AFDN: variants seen among roughly 807,000 people sequenced by gnomAD.
The protein encoded by AFDN is afadin, adherens junction formation factor, also known as afadin.
Under a neutral mutation model 216.6 loss-of-function variants are expected in AFDN, and 68 were observed. The ratio of observed to expected loss-of-function variants is 0.31; its 90% CI spans 0.26 to 0.38. The LOEUF (loss-of-function observed/expected upper bound fraction) is 0.38, where lower values mean the gene tolerates loss of function less well. Ranked by LOEUF, AFDN falls within the 10% of genes least tolerant of loss-of-function variation. AFDN has a pLI of 1.00. For synonymous variants in AFDN, 868 were observed against 853.7 expected (o/e 1.02, Z -0.29); for missense variants, 2,136 against 2,342.0 (o/e 0.91, Z 1.82).
rs1792345752 is a variant in AFDN at position 167,925,147 on chromosome 6, G to A, written c.3099+56G>A. The A allele has an allele frequency of 1.0e-5, 13 of 1,281,218 alleles. No individual in the cohort carries two copies. The South Asian group carries it at 1.6e-4, about 15-fold the overall frequency. The allele number at this position is 1,281,218 out of a possible 1,614,324, so 79.4% of individuals were successfully genotyped here. On this transcript the variant is annotated intron_variant, in intron 23 of 33. Transcript: ENST00000683244. Reference sequence around the variant, plus strand: ...TCTCCAGTCTTTCGGCATTGAATCAGTGGTTGTCAGAGTGGATCGTGTGGG... The same window carrying A: ...TCTCCAGTCTTTCGGCATTGAATCAATGGTTGTCAGAGTGGATCGTGTGGG...
intron 31 of AFDN, chr6:167,963,032 T>C (rs1797193927): frequency 9.3e-7 from 1 of 1,076,886 alleles, no homozygotes; most frequent in East Asian, 4.7e-5. Context: ...TTCTGGTTGA[T>C]GGTAAAGAGA....
chr6:167,901,990 G>A (rs1298782759), intron 11 of AFDN, among the ~76,000 whole-genome samples: 1 of 151,486 alleles, frequency 6.6e-6, no homozygotes, highest in Non-Finnish European at 1.5e-5. Context: ...TTATTTGGGA[G>A]GCTGAGGCAG....
chr6:167,956,406 T>C (rs1255288214), intron 30 of AFDN, among the ~76,000 whole-genome samples: 1 of 152,144 alleles, frequency 6.6e-6, no homozygotes, highest in Non-Finnish European at 1.5e-5. Context: ...GTTTCTGCTC[T>C]TCCCTCTGGT....
chr6:167,935,393 A>G (rs897571390), intron 23 of AFDN, among the ~76,000 whole-genome samples: 1 of 152,202 alleles, frequency 6.6e-6, no homozygotes, highest in African/African-American at 2.4e-5. Flanking sequence ...TGGACATAGC[A>G]GTGTGGGCGC....
chr6:167,914,789 G>A (rs751643251), intron 18 of AFDN, 51 bp downstream of exon 18: 2 of 1,327,478 alleles, frequency 1.5e-6, no homozygotes, highest in South Asian at 1.2e-5. Flanking sequence ...TTCACGTTTA[G>A]CATCATTTTA....
chr6:167,875,090 C>T (rs1028476726), intron 4 of AFDN, among the ~76,000 whole-genome samples: 3 of 152,062 alleles, frequency 2.0e-5, no homozygotes, highest in South Asian at 2.1e-4. Context: ...CATGAATAAA[C>T]TCACTATTAA....
At chr6:167,920,979 C>T (rs1008457) in intron 21 of AFDN, among the ~76,000 whole-genome samples, 68,759 of 151,978 alleles carry the variant, frequency 0.45, 16,313 homozygotes, top group East Asian at 0.8. Flanking sequence ...AAACGCGTGC[C>T]GCTGTCTGTC....
intron 1 of AFDN, among the ~76,000 whole-genome samples, chr6:167,850,120 A>G (rs1782136925): frequency 6.6e-6 from 1 of 152,234 alleles, no homozygotes; most frequent in African/African-American, 2.4e-5. Flanking sequence ...CAGGGAGAGA[A>G]TGTCAAATAC....
At chr6:167,868,021 T>TA (rs1049946170) in intron 2 of AFDN, among the ~76,000 whole-genome samples, 2 of 152,224 alleles carry the variant, frequency 1.3e-5, no homozygotes, top group Non-Finnish European at 2.9e-5. Flanking sequence ...ACCATGCTGT[T>TA]ACTGCCTCTC....
intron 6 of AFDN, among the ~76,000 whole-genome samples, chr6:167,885,802 G>A (rs1786724683): frequency 2.6e-5 from 4 of 152,214 alleles, no homozygotes; most frequent in South Asian, 2.1e-4. Flanking sequence ...AGCAATATCC[G>A]TGAGGCACAA....
intron 23 of AFDN, among the ~76,000 whole-genome samples, chr6:167,930,095 C>T (rs570126856): frequency 5.3e-5 from 8 of 152,212 alleles, no homozygotes; most frequent in African/African-American, 1.9e-4. Context: ...GTCCCAGTTA[C>T]ACTGGCGGCT....
intron 1 of AFDN, among the ~76,000 whole-genome samples, chr6:167,840,539 C>T (rs1451468758): frequency 1.3e-5 from 2 of 152,214 alleles, no homozygotes; most frequent in African/African-American, 4.8e-5. Context: ...ATGAAGATGA[C>T]TAGATCAGAG....
rs374739721 is a variant in AFDN at position 167,860,798 on chromosome 6, G to A, written c.106-3753G>A. Reference sequence around the variant, plus strand: ...TGAGCTGCCTCGGAGTCCCTCGTGAGCAGGAAGAATACTTGTATTTGAATG... The same window carrying A: ...TGAGCTGCCTCGGAGTCCCTCGTGAACAGGAAGAATACTTGTATTTGAATG... On this transcript the variant is annotated intron_variant, in intron 1 of 33. Coordinates refer to ENST00000683244, the MANE Select transcript of AFDN (RefSeq NM_001386888.1). Among the ~76,000 whole-genome samples, 19 of 152,316 alleles carry A rather than the reference G, an allele frequency of 1.2e-4. No individual in the cohort carries two copies. The South Asian group carries it at 3.9e-3, about 32-fold the overall frequency.
rs1165415344 is a variant in AFDN at position 167,951,454 on chromosome 6, T to C, written c.4100T>C (p.Ile1367Thr). 6.2e-7 allele frequency: 1 copy of C among 1,613,970 alleles called. No homozygotes were observed. The highest frequency in any genetic ancestry group is 8.5e-7 in the Non-Finnish European group (1 of 1,179,998). ...ACCCCTGTGGCCGTCTCCCAGCCAA[T>C]CCGAACAGACCTGCCTCCGCCACCC... The part of the protein sequence containing the change: ...PATPVAVSQP[I>T]RTDLPPPPPP... The change falls in exon 30 of 34, where the codon ATC becomes ACC. Residue 1367 changes from isoleucine (I) to threonine (T), a missense_variant. Transcript: ENST00000683244. This position sits in a 1 kb window ranked among gnomAD's most constrained non-coding sequence, Gnocchi z 7.1.
rs774545421 is a variant in AFDN, at chr6:167,951,782, A to G, written c.4428A>G (p.Thr1476=). ...AGATGAAGCCCGAAAAGCCTTCCACACTCCAGCGGCCACAGGAAACAGTCA... is the reference window on the plus strand; with the variant it reads ...AGATGAAGCCCGAAAAGCCTTCCACGCTCCAGCGGCCACAGGAAACAGTCA... ...AQQMKPEKPS[T]LQRPQETVIR... Residue 1476 remains threonine (T), a synonymous_variant, in exon 30 of 34, where the codon ACA becomes ACG. Coordinates refer to ENST00000683244, the MANE Select transcript of AFDN (RefSeq NM_001386888.1). This position sits in a 1 kb window ranked among gnomAD's most constrained non-coding sequence, Gnocchi z 7.1. 4 of 1,613,764 alleles carry G rather than the reference A, an allele frequency of 2.5e-6. No homozygotes were observed. The highest frequency in any genetic ancestry group is 1.7e-5 in the Admixed American group (1 of 59,964).
intron 1 of AFDN, among the ~76,000 whole-genome samples, chr6:167,835,931 C>T (rs1780378030): frequency 6.6e-6 from 1 of 152,062 alleles, no homozygotes; most frequent in South Asian, 2.1e-4. Flanking sequence ...TGTGGTTTTC[C>T]AAGTAAGGCT....
At position 167,962,478 on chromosome 6, in the gene AFDN, C is replaced by G; in HGVS notation, c.4879C>G (p.Arg1627Gly). 6.2e-7 allele frequency: 1 copy of G among 1,613,604 alleles called. No individual in the cohort carries two copies. Among genetic ancestry groups the G allele is most frequent in the Non-Finnish European group, 8.5e-7 (1 of 1,179,696 alleles). The change falls in exon 31 of 34, where the codon CGC becomes GGC. Residue 1627 changes from arginine to glycine, a missense_variant. By Grantham distance (125) the Arg-to-Gly change is moderately radical. This residue lies in a region of AFDN where 981 missense variants were observed against 966.0 expected (regional missense o/e 1.02). Transcript: ENST00000683244. This position sits in a 1 kb window ranked among gnomAD's most constrained non-coding sequence, Gnocchi z 5.2. ...RRRQQQLEEM[R>G]KREAEDRARQ... ...GCGGCAGCAGCAGTTAGAAGAGATG[C>G]GCAAGCGGGAAGCGGAAGACCGAGC...
chr6:167,829,409 A>G (rs576829386), intron 1 of AFDN, among the ~76,000 whole-genome samples: 29 of 152,210 alleles, frequency 1.9e-4, no homozygotes, highest in Admixed American at 1.6e-3. Flanking sequence ...TTCAAGGCCA[A>G]CAGTTTCAAT....
At chr6:167,890,806 C>A in intron 7 of AFDN, 56 bp from the exon 8 acceptor site, 1 of 1,536,724 alleles carries the variant, frequency 6.5e-7, no homozygotes, top group Non-Finnish European at 8.8e-7. Context: ...TGCCAGTCAG[C>A]GGGCCATCCT....
Sources: gnomAD v4.1 joint callset for allele counts (sites outside exome capture counted in the v4.1 genomes callset) on GRCh38, gnomAD v4.1.1 for gene constraint, gnomAD v4.1.1 regional missense constraint, Gnocchi (gnomAD v3.1) non-coding constraint, MANE v1.5 for transcripts, NCBI Gene and HGNC (gene_info 2026-07-23, HGNC 2026-07-21) for gene names.